Variants in DNAJB5 observed in about 807,000 individuals in gnomAD.
DNAJB5 encodes the protein dnaJ homolog subfamily B member 5.
In DNAJB5, 12 loss-of-function variants were observed where a neutral mutation model predicts 32.6. The ratio of observed to expected loss-of-function variants is 0.37; its 90% CI spans 0.24 to 0.60. The LOEUF is 0.60. Among genes scored for constraint, DNAJB5 ranks in the 20% least tolerant of loss-of-function variants. DNAJB5 has a pLI of 0.71. For missense variants in DNAJB5, 358 were observed against 554.2 expected (o/e 0.65, Z 3.55); for synonymous variants, 188 against 212.9 (o/e 0.88, Z 1.02).
chr9:34,993,479 C>T lies in DNAJB5; in HGVS notation c.427+35C>T, dbSNP rs1188598616. On this transcript the variant is annotated intron_variant, in intron 3 of 4. Coordinates refer to ENST00000682809, the MANE Select transcript of DNAJB5 (RefSeq NM_001349723.3). The surrounding 1 kb of genome is among the most constrained non-coding windows in gnomAD (Gnocchi z 4.7). ...CAGCACTCCAGCCCAATCCCGGACC[C>T]CTCCGCTTGGTAGGGGTCCCAGGTG... is the stretch of plus-strand genomic sequence containing the variant. The T allele has an allele frequency of 6.3e-7, 1 of 1,586,884 alleles. No homozygotes were observed. The highest frequency in any genetic ancestry group is 1.4e-5 in the African/African-American group (1 of 73,026).
chr9:34,990,271 T>C lies in DNAJB5; in HGVS notation c.-132-228T>C. On this transcript the variant is annotated intron_variant, in intron 1 of 4. Transcript: ENST00000682809. This position sits in a 1 kb window ranked among gnomAD's most constrained non-coding sequence, Gnocchi z 4.5. ...ACTTCATTGAGTAGGTTCTTGGGGATTGGGGTCGGGTCCTCCCCAGTGAGA... is the reference window on the plus strand; with the variant it reads ...ACTTCATTGAGTAGGTTCTTGGGGACTGGGGTCGGGTCCTCCCCAGTGAGA... The C allele has an allele frequency of 1.5e-6, 2 of 1,367,888 alleles. No individual in the cohort carries two copies. The highest frequency in any genetic ancestry group is 1.4e-5 in the African/African-American group (1 of 69,210). The allele number at this position is 1,367,888 out of a possible 1,614,324, so 84.7% of individuals were successfully genotyped here.
intron 2 of DNAJB5, chr9:34,992,996 G>A (rs1036295932): frequency 4.3e-6 from 6 of 1,410,142 alleles, no homozygotes; most frequent in Non-Finnish European, 3.7e-6. Context: ...GGTGAGGACG[G>A]AATCACAGAA....
chr9:34,991,674 C>CCCCG (rs1554662736), intron 2 of DNAJB5: 2 of 240,808 alleles, frequency 8.3e-6, no homozygotes, highest in Admixed American at 5.6e-5. Context: ...GGTTGCCCCC[C>CCCCG]CCCCCAACGA....
chr9:34,991,615 AC>A (rs71844640), intron 2 of DNAJB5: 325 of 110,372 alleles, frequency 2.9e-3, no homozygotes, highest in East Asian at 0.011. Context: ...ATGGCAGACC[AC>A]CCCCCCCCGC....
In DNAJB5 at chr9:34,990,560, G is replaced by A; in HGVS notation, c.-71G>A. Reference sequence around the variant, plus strand: ...CACGCGCCTCTGAGAGTCCAAGGAGGTGGCTTCCAGAGCTGCAGCACTTCA... The same window carrying A: ...CACGCGCCTCTGAGAGTCCAAGGAGATGGCTTCCAGAGCTGCAGCACTTCA... On this transcript the variant is annotated 5_prime_UTR_variant, in exon 2 of 5. In the 5' UTR this introduces an upstream ATG that the reference lacks. Coordinates refer to ENST00000682809, the MANE Select transcript of DNAJB5 (RefSeq NM_001349723.3). This position sits in a 1 kb window ranked among gnomAD's most constrained non-coding sequence, Gnocchi z 4.5. 3 of 1,550,246 alleles carry A rather than the reference G, an allele frequency of 1.9e-6. No individual in the cohort carries two copies. The highest frequency in any genetic ancestry group is 2.6e-6 in the Non-Finnish European group (3 of 1,146,876).
At chr9:34,991,617 C>CT (rs369536483) in intron 2 of DNAJB5, 3 of 216,758 alleles carry the variant, frequency 1.4e-5, no homozygotes, top group East Asian at 1.3e-4. Context: ...GGCAGACCAC[C>CT]CCCCCCCGCT....
chr9:34,995,935 T>G (rs1477013251), intron 3 of DNAJB5, among the ~76,000 whole-genome samples: 1 of 152,206 alleles, frequency 6.6e-6, no homozygotes, highest in Non-Finnish European at 1.5e-5. Context: ...CATTCAAGGC[T>G]TTTTGAGACA....
At position 34,993,280 on chromosome 9, in the gene DNAJB5, A is replaced by G. The variant is rs1016911458; in HGVS notation, c.263A>G (p.Asn88Ser). The G allele has an allele frequency of 1.1e-5, 17 of 1,614,216 alleles. No individual in the cohort carries two copies. The highest frequency in any genetic ancestry group is 1.4e-5 in the Non-Finnish European group (16 of 1,180,038). ...ATTCTTGGGATCCCATCGGGGGCCA[A>G]CGAGGATGAGATCAAGAAAGCCTAC... is the stretch of plus-strand genomic sequence containing the variant. ...YKILGIPSGANEDEIKKAYRK... is the reference protein window; with the variant it reads ...YKILGIPSGASEDEIKKAYRK... The change falls in exon 3 of 5, where the codon AAC becomes AGC. Residue 88 changes from asparagine (N) to serine (S), a missense_variant. Transcript: ENST00000682809. The surrounding 1 kb of genome is among the most constrained non-coding windows in gnomAD (Gnocchi z 4.7).
Position 34,990,854 on chromosome 9 carries a change from C to A in DNAJB5, c.182+42C>A. 1.3e-6 allele frequency: 2 copies of A among 1,517,352 alleles called. No homozygotes were observed. Among genetic ancestry groups the A allele is most frequent in the South Asian group, 1.3e-5 (1 of 77,900 alleles). The allele number at this position is 1,517,352 out of a possible 1,614,324, so 94.0% of individuals were successfully genotyped here. A position where few individuals can be genotyped will look rare whatever the true frequency, so the allele number is the denominator to read the frequency against. On this transcript the variant is annotated intron_variant, in intron 2 of 4. Coordinates refer to ENST00000682809, the MANE Select transcript of DNAJB5 (RefSeq NM_001349723.3). This position sits in a 1 kb window ranked among gnomAD's most constrained non-coding sequence, Gnocchi z 4.5. ...AAGGGCACTCACACCCATACCCAGT[C>A]AAACCCTCCACGCGGCCATCCCCTC...
At position 34,990,629 on chromosome 9, in the gene DNAJB5, G is replaced by C. The variant is rs1448101473; in HGVS notation, c.-2G>C. On this transcript the variant is annotated 5_prime_UTR_variant, in exon 2 of 5. Coordinates refer to ENST00000682809, the MANE Select transcript of DNAJB5 (RefSeq NM_001349723.3). The surrounding 1 kb of genome is among the most constrained non-coding windows in gnomAD (Gnocchi z 4.5). ...GATCAGAGGTGAGGGGCTTGGCTGGGCATGTTTAAGCGCACAGTGCTCTCC... is the reference window on the plus strand; with the variant it reads ...GATCAGAGGTGAGGGGCTTGGCTGGCCATGTTTAAGCGCACAGTGCTCTCC... The C allele has an allele frequency of 1.9e-6, 3 of 1,551,530 alleles. No individual in the cohort carries two copies. The highest frequency in any genetic ancestry group is 2.6e-6 in the Non-Finnish European group (3 of 1,146,912).
At position 34,991,619 on chromosome 9, in the gene DNAJB5, C is replaced by CG. The variant is rs200666816; in HGVS notation, c.182+807_182+808insG. On this transcript the variant is annotated intron_variant, in intron 2 of 4. Transcript: ENST00000682809. ...TTGAGGCAGAAATGGCAGACCACCCCCCCCCGCTCCCTCTCAGACGGCTTT... is the reference window on the plus strand; with the variant it reads ...TTGAGGCAGAAATGGCAGACCACCCCGCCCCCGCTCCCTCTCAGACGGCTTT... The CG allele has an allele frequency of 2.5e-4, 54 of 213,098 alleles. 1 individual carries two copies. The highest frequency in any genetic ancestry group is 3.8e-4 in the Non-Finnish European group (38 of 100,312). The allele number at this position is 213,098 out of a possible 1,614,324, so 13.2% of individuals were successfully genotyped here.
chr9:34,992,753 G>A, intron 2 of DNAJB5: 2 of 999,602 alleles, frequency 2.0e-6, no homozygotes, highest in Non-Finnish European at 2.4e-6. Flanking sequence ...TGCCCCAGCT[G>A]CCCTCAGCCT....
Position 34,990,617 on chromosome 9 carries a change from G to A in DNAJB5, c.-14G>A. The A allele has an allele frequency of 6.4e-7, 1 of 1,551,450 alleles. No individual in the cohort carries two copies. The highest frequency in any genetic ancestry group is 8.7e-7 in the Non-Finnish European group (1 of 1,146,898). On this transcript the variant is annotated 5_prime_UTR_variant, in exon 2 of 5. Coordinates refer to ENST00000682809, the MANE Select transcript of DNAJB5 (RefSeq NM_001349723.3). The surrounding 1 kb of genome is among the most constrained non-coding windows in gnomAD (Gnocchi z 4.5). Reference sequence around the variant, plus strand: ...CTCCGGTGGAGCGATCAGAGGTGAGGGGCTTGGCTGGGCATGTTTAAGCGC... The same window carrying A: ...CTCCGGTGGAGCGATCAGAGGTGAGAGGCTTGGCTGGGCATGTTTAAGCGC...
In DNAJB5 at chr9:34,993,937, A is replaced by G. The variant is rs1827724101; in HGVS notation, c.427+493A>G. Among the ~76,000 whole-genome samples, 1 of 152,194 alleles carries G rather than the reference A, an allele frequency of 6.6e-6. No individual in the cohort carries two copies. ...CCTGCCTGCTTCTGGCCAGCAGAAC[A>G]GAGGTGGAGCTTTGCCTCCCAGAGG... On this transcript the variant is annotated intron_variant, in intron 3 of 4. Coordinates refer to ENST00000682809, the MANE Select transcript of DNAJB5 (RefSeq NM_001349723.3). This position sits in a 1 kb window ranked among gnomAD's most constrained non-coding sequence, Gnocchi z 4.7.
intron 2 of DNAJB5, chr9:34,991,615 A>AT (rs564253067): frequency 9.2e-6 from 1 of 108,434 alleles, no homozygotes; most frequent in African/African-American, 5.9e-5. Flanking sequence ...ATGGCAGACC[A>AT]CCCCCCCCCG....
At position 34,991,620 on chromosome 9, in the gene DNAJB5, C is replaced by CA. The variant is rs200754001; in HGVS notation, c.182+808_182+809insA. 56 of 212,516 alleles carry CA rather than the reference C, an allele frequency of 2.6e-4. 1 individual carries two copies. The highest frequency in any genetic ancestry group is 1.0e-3 in the East Asian group (8 of 7,770). 13.2% of individuals were successfully genotyped at this position (212,516 alleles called of 1,614,324 possible). Reference sequence around the variant, plus strand: ...TGAGGCAGAAATGGCAGACCACCCCCCCCCGCTCCCTCTCAGACGGCTTTT... The same window carrying CA: ...TGAGGCAGAAATGGCAGACCACCCCCACCCCGCTCCCTCTCAGACGGCTTTT... On this transcript the variant is annotated intron_variant, in intron 2 of 4. Coordinates refer to ENST00000682809, the MANE Select transcript of DNAJB5 (RefSeq NM_001349723.3).
chr9:34,990,578 G>A lies in DNAJB5; in HGVS notation c.-53G>A, dbSNP rs778483385. Reference sequence around the variant, plus strand: ...CAAGGAGGTGGCTTCCAGAGCTGCAGCACTTCAGGCCGGCTCCGGTGGAGC... The same window carrying A: ...CAAGGAGGTGGCTTCCAGAGCTGCAACACTTCAGGCCGGCTCCGGTGGAGC... On this transcript the variant is annotated 5_prime_UTR_variant, in exon 2 of 5. Coordinates refer to ENST00000682809, the MANE Select transcript of DNAJB5 (RefSeq NM_001349723.3). The surrounding 1 kb of genome is among the most constrained non-coding windows in gnomAD (Gnocchi z 4.5). 5 of 1,551,086 alleles carry A rather than the reference G, an allele frequency of 3.2e-6. No homozygotes were observed. Among genetic ancestry groups the A allele is most frequent in the South Asian group, 2.4e-5 (2 of 84,056 alleles).
In DNAJB5 at chr9:34,997,163, G is replaced by T; in HGVS notation, c.1167G>T (p.Gln389His). 6.2e-7 allele frequency: 1 copy of T among 1,614,164 alleles called. No homozygotes were observed. Among genetic ancestry groups the T allele is most frequent in the Non-Finnish European group, 8.5e-7 (1 of 1,180,032 alleles). ...EGLPFPKVPT[Q>H]RGDLIVEFKV... The stretch of plus-strand genomic sequence containing the variant: ...TTCCCTTCCCCAAAGTGCCAACTCA[G>T]CGAGGAGACCTCATTGTTGAGTTCA... The change falls in exon 5 of 5, where the codon CAG becomes CAT. Residue 389 changes from glutamine to histidine, a missense_variant. This residue lies in a region of DNAJB5 where 248 missense variants were observed against 442.6 expected (regional missense o/e 0.56). Transcript: ENST00000682809. This position sits in a 1 kb window ranked among gnomAD's most constrained non-coding sequence, Gnocchi z 4.1.
chr9:34,992,906 G>C, intron 2 of DNAJB5: 1 of 1,251,516 alleles, frequency 8.0e-7, no homozygotes, highest in Non-Finnish European at 1.0e-6. Flanking sequence ...GGGGTCCTCA[G>C]TCTGGCCCAA....
Sources: gnomAD v4.1 joint callset for allele counts (sites outside exome capture counted in the v4.1 genomes callset) on GRCh38, gnomAD v4.1.1 for gene constraint, gnomAD v4.1.1 regional missense constraint, Gnocchi (gnomAD v3.1) non-coding constraint, MANE v1.5 for transcripts, NCBI Gene and HGNC (gene_info 2026-07-23, HGNC 2026-07-21) for gene names.